Variants in KCND3 observed in about 807,000 individuals in gnomAD.
The protein encoded by KCND3 is A-type voltage-gated potassium channel KCND3.
KCND3 carries 9 observed loss-of-function variants against 51.1 expected under a neutral mutation model. The ratio of observed to expected loss-of-function variants is 0.18; its 90% CI spans 0.11 to 0.31. The LOEUF (loss-of-function observed/expected upper bound fraction) is 0.31. Among genes scored for constraint, KCND3 ranks in the 10% least tolerant of loss-of-function variants. The probability of loss-of-function intolerance (pLI) is 1.00; values close to 1 mark genes in which losing one functional copy is unlikely to be tolerated. For synonymous variants in KCND3, 349 were observed against 368.0 expected (o/e 0.95, Z 0.59); for missense variants, 526 against 903.8 (o/e 0.58, Z 5.36).
At position 111,982,339 on chromosome 1, in the gene KCND3, C is replaced by T. The variant is rs774844324; in HGVS notation, c.388G>A (p.Asp130Asn). ...TCCTTGTACTCCTCGTAGCAGCAGTCCCCGATGATCTCCGGGAGGATGCCG... is the reference window on the plus strand; with the variant it reads ...TCCTTGTACTCCTCGTAGCAGCAGTTCCCGATGATCTCCGGGAGGATGCCG... ...FYGILPEIIG[D>N]CCYEEYKDRK... Residue 130 changes from aspartate to asparagine, a missense_variant, in exon 2 of 8, where the codon GAC becomes AAC. Physicochemically the swap from Asp to Asn is conservative, Grantham distance 23. Coordinates refer to ENST00000302127, the MANE Select transcript of KCND3 (RefSeq NM_001378969.1). This position sits in a 1 kb window ranked among gnomAD's most constrained non-coding sequence, Gnocchi z 8.5. 6.2e-7 allele frequency: 1 copy of T among 1,614,052 alleles called. No homozygotes were observed. Among genetic ancestry groups the T allele is most frequent in the Non-Finnish European group, 8.5e-7 (1 of 1,180,050 alleles).
At chr1:111,873,822 G>A (rs1668935261) in intron 2 of KCND3, among the ~76,000 whole-genome samples, 1 of 152,060 alleles carries the variant, frequency 6.6e-6, no homozygotes. Context: ...CTGATGCAGA[G>A]CTGCCTGTTT....
chr1:111,821,224 TA>T (rs1193244929), intron 2 of KCND3, among the ~76,000 whole-genome samples: 1 of 152,210 alleles, frequency 6.6e-6, no homozygotes, highest in African/African-American at 2.4e-5. Flanking sequence ...GCAGAGGTCC[TA>T]GGGGCAAGGA....
At chr1:111,883,828 A>G (rs1027090248) in intron 2 of KCND3, among the ~76,000 whole-genome samples, 8 of 152,236 alleles carry the variant, frequency 5.3e-5, no homozygotes, top group Admixed American at 2.6e-4. Flanking sequence ...TAATAGCCAC[A>G]ATATTGACTT....
intron 2 of KCND3, among the ~76,000 whole-genome samples, chr1:111,863,390 T>A (rs1476764962): frequency 6.6e-6 from 1 of 152,014 alleles, no homozygotes; most frequent in Non-Finnish European, 1.5e-5. Flanking sequence ...AAATCAATCT[T>A]TAAGGTGGGG....
intron 2 of KCND3, among the ~76,000 whole-genome samples, chr1:111,846,939 C>T (rs1413146066): frequency 6.6e-6 from 1 of 152,226 alleles, no homozygotes; most frequent in East Asian, 1.9e-4. Flanking sequence ...TGTTCTCCTA[C>T]TGGGTCTCCC....
intron 2 of KCND3, among the ~76,000 whole-genome samples, chr1:111,905,014 C>T (rs1479386029): frequency 6.6e-6 from 1 of 152,196 alleles, no homozygotes; most frequent in Non-Finnish European, 1.5e-5. Flanking sequence ...GCCGGAAGTC[C>T]ATGGCATTCT....
chr1:111,984,955 C>A (rs1234910157), intron 1 of KCND3, among the ~76,000 whole-genome samples: 3 of 152,192 alleles, frequency 2.0e-5, no homozygotes, highest in African/African-American at 7.2e-5. Flanking sequence ...TATCACCCCG[C>A]AGCTAGGATT....
intron 2 of KCND3, among the ~76,000 whole-genome samples, chr1:111,807,894 C>T (rs2101565628): frequency 6.6e-6 from 1 of 152,226 alleles, no homozygotes; most frequent in Admixed American, 6.5e-5. Context: ...AGACACAGAC[C>T]ACCATATTAA....
At chr1:111,962,993 G>A (rs878963601) in intron 2 of KCND3, among the ~76,000 whole-genome samples, 1 of 152,134 alleles carries the variant, frequency 6.6e-6, no homozygotes, top group Admixed American at 6.5e-5. Flanking sequence ...TAGCCCACTG[G>A]ATGATGTGAG....
intron 2 of KCND3, among the ~76,000 whole-genome samples, chr1:111,951,578 ATACT>A (rs1673066498): frequency 2.0e-5 from 3 of 152,358 alleles, no homozygotes; most frequent in African/African-American, 7.2e-5. Context: ...CATTCAACAA[ATACT>A]TACTGAGCAC....
At chr1:111,909,415 A>C (rs910864773) in intron 2 of KCND3, 4 of 152,234 alleles carry the variant, frequency 2.6e-5, no homozygotes, top group African/African-American at 9.6e-5. Flanking sequence ...ATCGAGAGTC[A>C]GAGGGACATT....
chr1:111,823,594 A>G (rs1241298798), intron 2 of KCND3, among the ~76,000 whole-genome samples: 3 of 152,224 alleles, frequency 2.0e-5, no homozygotes. Flanking sequence ...AAGCAAAAGA[A>G]AAATAGGAGC....
chr1:111,943,765 C>T (rs1455781744), intron 2 of KCND3, among the ~76,000 whole-genome samples: 2 of 152,194 alleles, frequency 1.3e-5, no homozygotes, highest in Admixed American at 1.3e-4. Flanking sequence ...TTCTCACAGT[C>T]CTTCTGCCCC....
At chr1:111,987,718 G>A (rs1675367005) in intron 1 of KCND3, among the ~76,000 whole-genome samples, 1 of 152,190 alleles carries the variant, frequency 6.6e-6, no homozygotes, top group Non-Finnish European at 1.5e-5. Context: ...CAACAGTGCG[G>A]CCCCATTTCC....
At chr1:111,779,870 A>C (rs1664296333) in intron 5 of KCND3, among the ~76,000 whole-genome samples, 1 of 152,242 alleles carries the variant, frequency 6.6e-6, no homozygotes, top group Non-Finnish European at 1.5e-5. Flanking sequence ...ACTCTCCTAC[A>C]CAAATTCAGC....
At chr1:111,852,158 T>C (rs180863528) in intron 2 of KCND3, among the ~76,000 whole-genome samples, 172 of 152,368 alleles carry the variant, frequency 1.1e-3, no homozygotes, top group African/African-American at 4.0e-3. Flanking sequence ...GTGCCTACTA[T>C]GTCTAAGTCC....
intron 2 of KCND3, among the ~76,000 whole-genome samples, chr1:111,788,100 C>T (rs1236104423): frequency 2.0e-5 from 3 of 152,228 alleles, no homozygotes; most frequent in Non-Finnish European, 4.4e-5. Context: ...CCTCTGGAAC[C>T]AGGTTGGCCT....
Position 111,775,901 on chromosome 1 carries a change from C to T in KCND3, c.*176G>A. On this transcript the variant is annotated 3_prime_UTR_variant, in exon 8 of 8. Coordinates refer to ENST00000302127, the MANE Select transcript of KCND3 (RefSeq NM_001378969.1). ...ATGTCCACGCTAGCAGCGTGAACCT[C>T]AGGTGCCCCTTTGCTACCTCTTTTT... The T allele has an allele frequency of 1.6e-6, 1 of 636,158 alleles. No individual in the cohort carries two copies. Among genetic ancestry groups the T allele is most frequent in the East Asian group, 3.4e-5 (1 of 29,700 alleles). 39.4% of individuals were successfully genotyped at this position (636,158 alleles called of 1,614,324 possible).
intron 2 of KCND3, among the ~76,000 whole-genome samples, chr1:111,888,997 G>A (rs1356929611): frequency 6.6e-6 from 1 of 152,158 alleles, no homozygotes; most frequent in Non-Finnish European, 1.5e-5. Context: ...TTGTGTGTGC[G>A]AGGGCAGCAG....
Sources: gnomAD v4.1 joint callset for allele counts (sites outside exome capture counted in the v4.1 genomes callset) on GRCh38, gnomAD v4.1.1 for gene constraint, Gnocchi (gnomAD v3.1) non-coding constraint, MANE v1.5 for transcripts, NCBI Gene and HGNC (gene_info 2026-07-23, HGNC 2026-07-21) for gene names.